The following ELF2 variants were observed in gnomAD, a reference collection of about 807,000 sequenced individuals.
The protein encoded by ELF2 is ETS-related transcription factor Elf-2.
Under a neutral mutation model 54.8 loss-of-function variants are expected in ELF2, and 11 were observed. The observed-to-expected ratio is 0.20, with a 90% CI of 0.13 to 0.33. ELF2 has a LOEUF of 0.33. ELF2 is among the 10% of genes least tolerant of loss of function. The pLI is 1.00. For missense variants in ELF2, 513 were observed against 703.0 expected, an observed-to-expected ratio of 0.73 and a Z score of 3.06; for synonymous variants, 203 against 245.1, an observed-to-expected ratio of 0.83 and a Z score of 1.61.
intron 6 of ELF2, among the ~76,000 whole-genome samples, chr4:139,070,888 A>C (rs772238668): frequency 2.0e-5 from 3 of 152,242 alleles, no homozygotes; most frequent in Non-Finnish European, 4.4e-5. Context: ...TATTTAATGA[A>C]GAAAAGAAAA....
chr4:139,094,621 T>C (rs1197750959), intron 4 of ELF2, among the ~76,000 whole-genome samples: 1 of 152,158 alleles, frequency 6.6e-6, no homozygotes, highest in Non-Finnish European at 1.5e-5. Flanking sequence ...CATAACACCA[T>C]TTATATAAAT....
intron 2 of ELF2, 37 bp downstream of exon 2, chr4:139,139,376 A>AAAGCCCT: frequency 9.3e-7 from 1 of 1,069,876 alleles, no homozygotes; most frequent in Non-Finnish European, 1.2e-6. Flanking sequence ...TACTATTCCC[A>AAAGCCCT]ATATATATAA....
At chr4:139,133,636 C>CTT (rs35553898) in intron 3 of ELF2, among the ~76,000 whole-genome samples, 12 of 143,416 alleles carry the variant, frequency 8.4e-5, no homozygotes, top group Admixed American at 2.8e-4. Flanking sequence ...TTTTCCCTAC[C>CTT]TTTTTTTTTT....
In ELF2 at chr4:139,060,476, G is replaced by C; in HGVS notation, c.1005C>G (p.Ser335=). The change falls in exon 9 of 10, where the codon TCC becomes TCG. Residue 335 remains serine (S), a synonymous_variant. Transcript: ENST00000686138. ...ATGAATTTTTTCCACTGCGAACAGA[G>C]GATGCTGCTTTCAGGAGACTTTCTG... ...LSAESLLKAA[S]SVRSGKNSSP... 6.2e-7 allele frequency: 1 copy of C among 1,614,184 alleles called. No homozygotes were observed. Among genetic ancestry groups the C allele is most frequent in the Non-Finnish European group, 8.5e-7 (1 of 1,180,038 alleles).
At chr4:139,109,168 G>A (rs1734714072) in intron 4 of ELF2, among the ~76,000 whole-genome samples, 1 of 151,694 alleles carries the variant, frequency 6.6e-6, no homozygotes. Context: ...ATTTCAAAAA[G>A]TAAAGCTAAC....
At chr4:139,075,303 G>A (rs1730142975) in intron 4 of ELF2, among the ~76,000 whole-genome samples, 1 of 152,198 alleles carries the variant, frequency 6.6e-6, no homozygotes, top group South Asian at 2.1e-4. Flanking sequence ...CATAGAGCAA[G>A]AATATGATAA....
At position 139,098,469 on chromosome 4, in the gene ELF2, C is replaced by CT. The variant is rs559858763; in HGVS notation, c.239-24903dup. Among the ~76,000 whole-genome samples the CT allele has an allele frequency of 8.0e-3, 1,123 of 140,156 alleles. 12 individuals are homozygous for CT. Among genetic ancestry groups the CT allele is most frequent in the African/African-American group, 0.017 (649 of 38,440 alleles). The allele number at this position is 140,156 out of a possible 152,430, so 91.9% of individuals were successfully genotyped here. ...TAAACAGATTTCTCTATTTTTAAAA[C>CT]TTTTTTTTTTTTTTTTTGAGACAGA... On this transcript the variant is annotated intron_variant, in intron 4 of 9. Transcript: ENST00000686138.
At position 139,163,558 on chromosome 4, in the gene ELF2, G is replaced by C. The variant is rs143821873; in HGVS notation, c.-252+13409C>G. On this transcript the variant is annotated intron_variant, in intron 1 of 9. Coordinates refer to ENST00000686138, the MANE Select transcript of ELF2 (RefSeq NM_001331036.3). ...GTATAGGACAAAGCTAAAGGACCAA[G>C]AATGTTGTGGAAGATCTGATTAAGC... Among the ~76,000 whole-genome samples, 17 of 152,278 alleles carry C rather than the reference G, an allele frequency of 1.1e-4. No individual in the cohort carries two copies. The East Asian group carries it at 3.3e-3, about 29-fold the overall frequency.
intron 1 of ELF2, among the ~76,000 whole-genome samples, chr4:139,156,604 A>G (rs774009404): frequency 2.6e-5 from 4 of 150,998 alleles, no homozygotes; most frequent in Non-Finnish European, 5.9e-5. Context: ...ATAGATATAT[A>G]TATATATATT....
chr4:139,114,102 T>A (rs1380915088), intron 4 of ELF2, among the ~76,000 whole-genome samples: 2 of 152,218 alleles, frequency 1.3e-5, no homozygotes, highest in African/African-American at 4.8e-5. Context: ...AAAGTTATAC[T>A]AATTAAGTGA....
chr4:139,166,903 A>G lies in ELF2; in HGVS notation c.-252+10064T>C, dbSNP rs148416423. 6.7e-3 allele frequency among the ~76,000 whole-genome samples: 1,015 copies of G among 152,336 alleles called. 17 individuals are homozygous for G. The highest frequency in any genetic ancestry group is 0.024 in the African/African-American group (983 of 41,574). ...AATAAAATAAGAGATTAAATAATCAATGATGTTTTTATGACTTTTATTTGA... is the reference window on the plus strand; with the variant it reads ...AATAAAATAAGAGATTAAATAATCAGTGATGTTTTTATGACTTTTATTTGA... On this transcript the variant is annotated intron_variant, in intron 1 of 9. Transcript: ENST00000686138.
chr4:139,114,642 CTTT>C (rs59282364), intron 4 of ELF2, among the ~76,000 whole-genome samples: 1 of 104,848 alleles, frequency 9.5e-6, no homozygotes. Context: ...TTTTTTCTTT[CTTT>C]TTTTTTTTTT....
At chr4:139,119,928 C>T (rs1051492907) in intron 4 of ELF2, among the ~76,000 whole-genome samples, 1 of 152,060 alleles carries the variant, frequency 6.6e-6, no homozygotes, top group Non-Finnish European at 1.5e-5. Flanking sequence ...CGTGCACCAC[C>T]ACACCCAGCT....
intron 3 of ELF2, among the ~76,000 whole-genome samples, chr4:139,131,234 T>C (rs1737460072): frequency 6.6e-6 from 1 of 152,162 alleles, no homozygotes; most frequent in Non-Finnish European, 1.5e-5. Flanking sequence ...ATACTTAAAG[T>C]AAAAAGTCAT....
intron 3 of ELF2, among the ~76,000 whole-genome samples, chr4:139,129,666 T>C (rs765549284): frequency 2.0e-5 from 3 of 152,218 alleles, no homozygotes; most frequent in Non-Finnish European, 2.9e-5. Flanking sequence ...ACAAAGTTCT[T>C]AGCATAGTAT....
intron 4 of ELF2, among the ~76,000 whole-genome samples, chr4:139,078,501 CACCTTTTCCCCCTTG>C (rs1316655751): frequency 6.6e-6 from 1 of 151,156 alleles, no homozygotes; most frequent in African/African-American, 2.4e-5. Flanking sequence ...ACTCCATCTT[CACCTTTTCCCCCTTG>C]ACCTTTTAAT....
At chr4:139,144,368 A>C (rs2148872301) in intron 1 of ELF2, among the ~76,000 whole-genome samples, 1 of 152,298 alleles carries the variant, frequency 6.6e-6, no homozygotes, top group Admixed American at 6.5e-5. Flanking sequence ...AACCAAGGGA[A>C]GCTATTCCTG....
chr4:139,074,640 G>A (rs1265613927), intron 4 of ELF2, among the ~76,000 whole-genome samples: 2 of 151,522 alleles, frequency 1.3e-5, no homozygotes, highest in Non-Finnish European at 2.9e-5. Context: ...GGCACCTGTA[G>A]TCCCAGCTAC....
At chr4:139,109,716 C>T (rs1035573652) in intron 4 of ELF2, among the ~76,000 whole-genome samples, 7 of 152,124 alleles carry the variant, frequency 4.6e-5, no homozygotes, top group African/African-American at 7.2e-5. Flanking sequence ...CGGAGGCTAA[C>T]GCACAGACAA....
Sources: gnomAD v4.1 joint callset for allele counts (sites outside exome capture counted in the v4.1 genomes callset) on GRCh38, gnomAD v4.1.1 for gene constraint, MANE v1.5 for transcripts, NCBI Gene and HGNC (gene_info 2026-07-23, HGNC 2026-07-21) for gene names.